The following SOX5 variants were observed in gnomAD, a reference collection of about 807,000 sequenced individuals.
SOX5 encodes SRY-box transcription factor 5, also known as transcription factor SOX-5.
Under a neutral mutation model 92.0 loss-of-function variants are expected in SOX5, and 9 were observed. That is an observed-to-expected ratio of 0.10 (90% CI 0.06 to 0.17). The LOEUF is 0.17. Among genes scored for constraint, SOX5 ranks in the 10% least tolerant of loss-of-function variants. The probability of loss-of-function intolerance (pLI) is 1.00; values close to 1 mark genes in which losing one functional copy is unlikely to be tolerated. For missense variants in SOX5, 642 were observed against 944.5 expected, an observed-to-expected ratio of 0.68 and a Z score of 4.20; for synonymous variants, 344 against 336.3, an observed-to-expected ratio of 1.02 and a Z score of -0.25.
intron 2 of SOX5, among the ~76,000 whole-genome samples, chr12:23,892,337 C>T (rs2097137357): frequency 6.6e-6 from 1 of 152,016 alleles, no homozygotes; most frequent in South Asian, 2.1e-4. Flanking sequence ...ATTCAAAGGC[C>T]ATCTGGTATG....
intron 6 of SOX5, 75 bp from the exon 7 acceptor site, chr12:23,665,639 A>G (rs1190612323): frequency 2.7e-6 from 4 of 1,479,600 alleles, no homozygotes; most frequent in Admixed American, 2.2e-5. Context: ...TCCTTATTTC[A>G]TGATAAAAGA....
chr12:23,902,685 G>A (rs2138020946), intron 1 of SOX5, among the ~76,000 whole-genome samples: 2 of 152,230 alleles, frequency 1.3e-5, no homozygotes, highest in South Asian at 4.1e-4. Flanking sequence ...CATGTAGCGT[G>A]TCTTTCATGT....
At chr12:24,230,525 G>A (rs983294075) in intron 3 of SOX5, 5 of 152,226 alleles carry the variant, frequency 3.3e-5, no homozygotes, top group African/African-American at 1.2e-4. Flanking sequence ...CCAGCTTAGT[G>A]TTAATATATG....
At chr12:23,656,752 A>G (rs542114900) in intron 7 of SOX5, among the ~76,000 whole-genome samples, 1 of 151,992 alleles carries the variant, frequency 6.6e-6, no homozygotes, top group Non-Finnish European at 1.5e-5. Flanking sequence ...TTACACATCT[A>G]TATCTAAATA....
At chr12:23,687,416 G>C (rs535216441) in intron 6 of SOX5, among the ~76,000 whole-genome samples, 1 of 151,990 alleles carries the variant, frequency 6.6e-6, no homozygotes, top group East Asian at 1.9e-4. Flanking sequence ...ATAAAGAAAA[G>C]AAACAACAGC....
chr12:23,695,424 A>G (rs1567034621), intron 6 of SOX5, among the ~76,000 whole-genome samples: 1 of 152,168 alleles, frequency 6.6e-6, no homozygotes, highest in Non-Finnish European at 1.5e-5. Flanking sequence ...AAACAGGAGG[A>G]TAGTTCTAAG....
chr12:23,587,625 G>T (rs1950936193), intron 9 of SOX5, among the ~76,000 whole-genome samples: 1 of 151,982 alleles, frequency 6.6e-6, no homozygotes. Flanking sequence ...AAATCATAAA[G>T]TATTTTAACA....
At chr12:23,949,456 G>C (rs778899988) in intron 1 of SOX5, 108 bp downstream of exon 1, 44 of 1,340,744 alleles carry the variant, frequency 3.3e-5, no homozygotes, top group Non-Finnish European at 4.5e-5. Flanking sequence ...CTAGCTAAAG[G>C]CTTCTCTAAC....
At position 24,401,307 on chromosome 12, in the gene SOX5, G is replaced by A. The variant is rs562286661; in HGVS notation, c.-250-32668C>T. 3.1e-4 allele frequency among the ~76,000 whole-genome samples: 47 copies of A among 150,664 alleles called. No homozygotes were observed. The South Asian group carries it at 3.6e-3, about 11-fold the overall frequency. ...GCAGAGGTTGCAGTGAGCCGAGATC[G>A]TGCCACTGCACTCCAGCCTGGGCGA... On this transcript the variant is annotated intron_variant, in intron 1 of 4. Transcript: ENST00000446891.
At chr12:23,793,542 A>G (rs1249703157) in intron 3 of SOX5, among the ~76,000 whole-genome samples, 2 of 152,180 alleles carry the variant, frequency 1.3e-5, no homozygotes, top group Non-Finnish European at 2.9e-5. Context: ...TTTATGGGGT[A>G]TAGGTGGGGA....
At chr12:24,166,862 T>A (rs1953472697) in intron 4 of SOX5, among the ~76,000 whole-genome samples, 1 of 152,196 alleles carries the variant, frequency 6.6e-6, no homozygotes, top group African/African-American at 2.4e-5. Context: ...TGTCACCTCT[T>A]TGAGCACATA....
In SOX5 at chr12:23,755,704, G is replaced by C; in HGVS notation, c.502C>G (p.Leu168Val). 1 of 1,580,236 alleles carries C rather than the reference G, an allele frequency of 6.3e-7. No individual in the cohort carries two copies. Among genetic ancestry groups the C allele is most frequent in the Non-Finnish European group, 8.6e-7 (1 of 1,165,346 alleles). The change falls in exon 4 of 15, where the codon CTA becomes GTA. Residue 168 changes from leucine to valine, a missense_variant. Physicochemically the swap from Leu to Val is conservative, Grantham distance 32. Around this residue, in one of 8 missense-constraint regions of SOX5, gnomAD observed 324 missense variants for 461.6 expected, o/e 0.70. Transcript: ENST00000451604. ...EPEETPSIEK[L>V]LSKDWKDKLL... ...TTGTCTTTCCAGTCCTTTGAGAGTAGTTTTTCAATACTGGGGGTTTCTAAG... is the reference window on the plus strand; with the variant it reads ...TTGTCTTTCCAGTCCTTTGAGAGTACTTTTTCAATACTGGGGGTTTCTAAG...
intron 2 of SOX5, among the ~76,000 whole-genome samples, chr12:24,314,502 A>T (rs1949516045): frequency 6.6e-6 from 1 of 152,076 alleles, no homozygotes; most frequent in African/African-American, 2.4e-5. Flanking sequence ...GTACCCTAAA[A>T]CTTAAAGTAT....
chr12:23,742,410 C>T (rs568494511), intron 4 of SOX5, among the ~76,000 whole-genome samples: 2 of 152,136 alleles, frequency 1.3e-5, no homozygotes, highest in South Asian at 2.1e-4. Flanking sequence ...TAATGTGTTG[C>T]TAATAATTTA....
rs80216880 is a variant in SOX5 at position 23,985,159 on chromosome 12, T to C, written c.-1-89135A>G. ...TTAGCTAAACAGAGAAAATGCTGCC[T>C]AACATTATAAAAATGGTTATATATT... On this transcript the variant is annotated intron_variant, in intron 4 of 4. Transcript: ENST00000446891. Among the ~76,000 whole-genome samples, 1,052 of 152,282 alleles carry C rather than the reference T, an allele frequency of 6.9e-3. 15 individuals carry two copies. Among genetic ancestry groups the C allele is most frequent in the African/African-American group, 0.024 (1,005 of 41,564 alleles).
At chr12:23,968,469 A>T (rs553106805) in intron 4 of SOX5, among the ~76,000 whole-genome samples, 2 of 152,196 alleles carry the variant, frequency 1.3e-5, no homozygotes, top group Admixed American at 6.5e-5. Context: ...TGAATGGATT[A>T]ATGCTGTCAT....
chr12:24,535,187 G>A (rs1312201428), intron 1 of SOX5, among the ~76,000 whole-genome samples: 2 of 152,140 alleles, frequency 1.3e-5, no homozygotes, highest in Non-Finnish European at 2.9e-5. Context: ...TAGCTTTACT[G>A]GGAATTTAGC....
intron 1 of SOX5, among the ~76,000 whole-genome samples, chr12:24,395,305 C>G (rs914125164): frequency 3.3e-5 from 5 of 151,790 alleles, no homozygotes; most frequent in African/African-American, 1.2e-4. Context: ...AACCACAAAT[C>G]AGTGTCTGGT....
chr12:24,099,522 T>A (rs1208503632), intron 4 of SOX5, among the ~76,000 whole-genome samples: 1 of 152,066 alleles, frequency 6.6e-6, no homozygotes, highest in Admixed American at 6.6e-5. Context: ...GTGCCCACAG[T>A]AAGAGGGTGT....
Sources: allele counts gnomAD v4.1 joint callset (sites outside exome capture counted in the v4.1 genomes callset), GRCh38; gene constraint gnomAD v4.1.1; regional missense constraint gnomAD v4.1.1; transcripts MANE v1.5; gene names NCBI Gene and HGNC (gene_info 2026-07-23, HGNC 2026-07-21).